The following SP1 variants were observed in gnomAD, a reference collection of about 807,000 sequenced individuals.
SP1 encodes the protein transcription factor Sp1.
SP1 carries 6 observed loss-of-function variants against 66.3 expected under a neutral mutation model. That is an observed-to-expected ratio of 0.09 (90% CI 0.05 to 0.18). SP1 has a LOEUF of 0.18. Among genes scored for constraint, SP1 ranks in the 10% least tolerant of loss-of-function variants. SP1 has a pLI of 1.00. For synonymous variants in SP1, 417 were observed against 360.8 expected (o/e 1.16, Z -1.77); for missense variants, 848 against 964.5 (o/e 0.88, Z 1.60).
At chr12:53,383,705 C>G (rs764962251) in intron 3 of SP1, 83 bp downstream of exon 3, 13 of 1,098,412 alleles carry the variant, frequency 1.2e-5, no homozygotes, top group Non-Finnish European at 1.7e-5. Context: ...AGGAATAGAG[C>G]CTTTTGAGAT....
rs746025451 is a variant in SP1, at chr12:53,383,437, G to A, written c.1490G>A (p.Ser497Asn). The A allele has an allele frequency of 6.2e-6, 10 of 1,614,216 alleles. No homozygotes were observed. The highest frequency in any genetic ancestry group is 1.6e-4 in the Middle Eastern group (1 of 6,062). ...GGTGTTTCCTTGGGGCAGACCAGCA[G>A]CAGCAACACCACTCTCACACCCATT... Reference protein sequence around the residue: ...MQGVSLGQTSSSNTTLTPIAS... With the variant: ...MQGVSLGQTSNSNTTLTPIAS... Residue 497 changes from serine (S) to asparagine (N), a missense_variant, in exon 3 of 6, where the codon AGC becomes AAC. This residue lies in a region of SP1 where 606 missense variants were observed against 589.9 expected (regional missense o/e 1.03). Coordinates refer to ENST00000327443, the MANE Select transcript of SP1 (RefSeq NM_138473.3).
intron 3 of SP1, among the ~76,000 whole-genome samples, chr12:53,395,738 C>T (rs1329680503): frequency 2.0e-5 from 3 of 150,894 alleles, no homozygotes; most frequent in African/African-American, 4.9e-5. Flanking sequence ...GAGGCTAAGG[C>T]GGGCAGATCA....
chr12:53,384,095 G>T (rs1346532063), intron 3 of SP1, among the ~76,000 whole-genome samples: 1 of 149,688 alleles, frequency 6.7e-6, no homozygotes, highest in Non-Finnish European at 1.5e-5. Context: ...TCAGCCTCCC[G>T]AGTGGCTGGG....
chr12:53,406,220 G>A (rs888937222), intron 3 of SP1, among the ~76,000 whole-genome samples: 5 of 151,712 alleles, frequency 3.3e-5, no homozygotes, highest in African/African-American at 2.4e-5. Context: ...ACAGGCATGC[G>A]TACCATTCCC....
At chr12:53,385,770 G>T (rs949031571) in intron 3 of SP1, among the ~76,000 whole-genome samples, 1 of 151,660 alleles carries the variant, frequency 6.6e-6, no homozygotes, top group East Asian at 1.9e-4. Flanking sequence ...AAAATTAGCC[G>T]GGCGTGGTGG....
chr12:53,409,331 G>T (rs2136919769), intron 4 of SP1, 31 bp from the exon 5 acceptor site: 1 of 1,584,446 alleles, frequency 6.3e-7, no homozygotes, highest in South Asian at 1.1e-5. Context: ...TCTCTAGAAT[G>T]AATGATTAAC....
In SP1 at chr12:53,411,518, C is replaced by A. The variant is rs145333898; in HGVS notation, c.*278C>A. The A allele has an allele frequency of 9.4e-6, 3 of 318,772 alleles. No homozygotes were observed. The highest frequency in any genetic ancestry group is 4.3e-5 in the African/African-American group (2 of 46,756). The allele number at this position is 318,772 out of a possible 1,614,324, so 19.7% of individuals were successfully genotyped here. On this transcript the variant is annotated 3_prime_UTR_variant, in exon 6 of 6. Transcript: ENST00000327443. ...CCCCAGTTTCTTCTTACACTTCTTA[C>A]CCCAGCCTACCCTTCCTGCATTTCT...
intron 3 of SP1, among the ~76,000 whole-genome samples, chr12:53,404,875 G>A (rs1485307953): frequency 1.3e-5 from 2 of 152,014 alleles, no homozygotes; most frequent in Non-Finnish European, 2.9e-5. Flanking sequence ...TCGCTCTGTC[G>A]GCCAGGCTGG....
chr12:53,414,225 C>G lies in SP1; in HGVS notation c.*2985C>G, dbSNP rs1360556988. 2 of 152,424 alleles carry G rather than the reference C, an allele frequency of 1.3e-5. No homozygotes were observed. 9.4% of individuals were successfully genotyped at this position (152,424 alleles called of 1,614,324 possible). On this transcript the variant is annotated 3_prime_UTR_variant, in exon 6 of 6. Transcript: ENST00000327443. ...TTTTAAATTTTTTAGATGACCAAAA[C>G]TTGCAGGGCAGGGGATGCCCAGAAG...
intron 3 of SP1, among the ~76,000 whole-genome samples, chr12:53,401,003 C>T (rs57676448): frequency 0.17 from 25,627 of 151,102 alleles, 2,265 homozygotes; most frequent in Admixed American, 0.2. Context: ...CTCAGGTGAT[C>T]CACCTGTCTC....
At chr12:53,399,342 G>T (rs28774390) in intron 3 of SP1, among the ~76,000 whole-genome samples, 14 of 146,666 alleles carry the variant, frequency 9.5e-5, no homozygotes, top group African/African-American at 3.4e-4. Context: ...TTTTGTTTTT[G>T]TTTTTTTTTG....
At chr12:53,399,736 C>G (rs1938568258) in intron 3 of SP1, among the ~76,000 whole-genome samples, 1 of 151,948 alleles carries the variant, frequency 6.6e-6, no homozygotes, top group African/African-American at 2.4e-5. Context: ...CTCCTGGGTT[C>G]AAGCGATTCT....
intron 3 of SP1, among the ~76,000 whole-genome samples, chr12:53,391,193 T>G (rs1938342912): frequency 6.6e-6 from 1 of 152,134 alleles, no homozygotes; most frequent in South Asian, 2.1e-4. Flanking sequence ...TCCTTTTCTT[T>G]AACATTTAGC....
At chr12:53,391,569 C>T (rs572848701) in intron 3 of SP1, among the ~76,000 whole-genome samples, 11 of 152,078 alleles carry the variant, frequency 7.2e-5, no homozygotes, top group Middle Eastern at 3.4e-3. Flanking sequence ...GGTTTCCACC[C>T]GCCTCGGCCT....
chr12:53,409,605 A>G, intron 5 of SP1, 44 bp downstream of exon 5: 4 of 1,479,762 alleles, frequency 2.7e-6, no homozygotes, highest in Non-Finnish European at 2.8e-6. Flanking sequence ...ATAGACTAGA[A>G]TGAAAAACAC....
chr12:53,381,696 G>A lies in SP1; in HGVS notation c.45G>A (p.Val15=), dbSNP rs765889744. 6.2e-7 allele frequency: 1 copy of A among 1,613,834 alleles called. No individual in the cohort carries two copies. The highest frequency in any genetic ancestry group is 1.1e-5 in the South Asian group (1 of 91,018). The change falls in exon 2 of 6, where the codon GTG becomes GTA. Residue 15 remains valine (V), a synonymous_variant. Transcript: ENST00000327443. ...CCATGGATGAAATGACAGCTGTGGT[G>A]AAAATTGAAAAAGGAGTTGGTGGCA... is the stretch of plus-strand genomic sequence containing the variant. ...DHSMDEMTAV[V]KIEKGVGGNN... is the part of the protein sequence containing the mutation.
chr12:53,388,912 T>G (rs1298165791), intron 3 of SP1, among the ~76,000 whole-genome samples: 1 of 150,316 alleles, frequency 6.7e-6, no homozygotes, highest in South Asian at 2.1e-4. Context: ...CCCGGGAGGT[T>G]GAGGACGCAG....
chr12:53,410,840 C>T (rs1334684217), intron 5 of SP1, 87 bp from the exon 6 acceptor site: 2 of 948,342 alleles, frequency 2.1e-6, no homozygotes, highest in African/African-American at 3.3e-5. Context: ...ACTGGCCTTA[C>T]TCAGCTTAGT....
chr12:53,390,299 C>G (rs1169637397), intron 3 of SP1, among the ~76,000 whole-genome samples: 7 of 152,108 alleles, frequency 4.6e-5, no homozygotes, highest in African/African-American at 9.7e-5. Context: ...GAGATATCAG[C>G]ACAGAAAGAT....
Sources: allele counts gnomAD v4.1 joint callset (sites outside exome capture counted in the v4.1 genomes callset), GRCh38; gene constraint gnomAD v4.1.1; regional missense constraint gnomAD v4.1.1; transcripts MANE v1.5; gene names NCBI Gene and HGNC (gene_info 2026-07-23, HGNC 2026-07-21).